The following ISM1 variants were observed in gnomAD, a reference collection of about 807,000 sequenced individuals.
The protein encoded by ISM1 is isthmin 1.
In ISM1, 25 loss-of-function variants were observed where a neutral mutation model predicts 46.3. That is an observed-to-expected ratio of 0.54 (90% CI 0.39 to 0.75). The LOEUF is 0.75. Among genes scored for constraint, ISM1 ranks in the 30% least tolerant of loss-of-function variants. ISM1 has a pLI of 0.00. For synonymous variants in ISM1, 255 were observed against 256.7 expected (o/e 0.99, Z 0.06); for missense variants, 536 against 625.4 (o/e 0.86, Z 1.52).
chr20:13,315,403 G>C, the ISM1 span, among the ~76,000 whole-genome samples: 1 of 151,996 alleles, frequency 6.6e-6, no homozygotes, highest in African/African-American at 2.4e-5. Context: ...CTCAAACAGA[G>C]TAGACTTAAG....
At chr20:13,281,201 T>C (rs2040235220) in intron 3 of ISM1, among the ~76,000 whole-genome samples, 1 of 152,348 alleles carries the variant, frequency 6.6e-6, no homozygotes, top group Non-Finnish European at 1.5e-5. Flanking sequence ...AGGCATAGTC[T>C]GTCCCCAGAA....
chr20:13,276,101 G>A (rs1217919353), intron 2 of ISM1, among the ~76,000 whole-genome samples: 1 of 152,214 alleles, frequency 6.6e-6, no homozygotes, highest in Non-Finnish European at 1.5e-5. Flanking sequence ...AGGAAGAAGG[G>A]GTAGAATAAT....
chr20:13,308,330 T>C, the ISM1 span, among the ~76,000 whole-genome samples: 1 of 152,198 alleles, frequency 6.6e-6, no homozygotes, highest in Non-Finnish European at 1.5e-5. Flanking sequence ...TGATTAATTA[T>C]GGCAGTAATA....
At chr20:13,221,950 CG>C in intron 1 of ISM1, 36 bp downstream of exon 1, 2 of 1,306,580 alleles carry the variant, frequency 1.5e-6, no homozygotes, top group Non-Finnish European at 9.7e-7. Flanking sequence ...TGCGCGGCTG[CG>C]GGGACGGTTT....
Position 13,292,253 on chromosome 20 carries a change from C to T in ISM1, c.788-121C>T, listed in dbSNP as rs951677588. The T allele has an allele frequency of 2.8e-5, 18 of 643,508 alleles. No homozygotes were observed. The Middle Eastern group carries it at 7.6e-4, about 27-fold the overall frequency. 39.9% of individuals were successfully genotyped at this position (643,508 alleles called of 1,614,324 possible). A position where few individuals can be genotyped will look rare whatever the true frequency, so the allele number is the denominator to read the frequency against. On this transcript the variant is annotated intron_variant, in intron 4 of 5. Coordinates refer to ENST00000262487, the MANE Select transcript of ISM1 (RefSeq NM_080826.2). ...TTTCCTCTGTTGGCAAGTTTCTGCC[C>T]GTGAGTAGTAATGAATACAAAAAAG...
chr20:13,298,661 C>G (rs2040429647), intron 5 of ISM1, among the ~76,000 whole-genome samples: 1 of 152,132 alleles, frequency 6.6e-6, no homozygotes, highest in South Asian at 2.1e-4. Context: ...TTCTGTGTGT[C>G]TGAAAATTTC....
chr20:13,305,336 G>A (rs990789056), downstream of ISM1, among the ~76,000 whole-genome samples: 4 of 151,828 alleles, frequency 2.6e-5, no homozygotes, highest in Admixed American at 6.6e-5. Context: ...CTACAGACCC[G>A]TACTACTCTG....
the ISM1 span, among the ~76,000 whole-genome samples, chr20:13,322,239 C>T: frequency 6.6e-6 from 1 of 152,182 alleles, no homozygotes; most frequent in Non-Finnish European, 1.5e-5. Context: ...GTGCTGTACT[C>T]CCAAGAGTGA....
At chr20:13,290,184 C>A (rs547551440) in intron 4 of ISM1, among the ~76,000 whole-genome samples, 1 of 152,132 alleles carries the variant, frequency 6.6e-6, no homozygotes, top group South Asian at 2.1e-4. Flanking sequence ...CTTTCCCATG[C>A]TCATTAGGAT....
intron 1 of ISM1, among the ~76,000 whole-genome samples, chr20:13,241,867 A>G (rs979285180): frequency 6.6e-6 from 1 of 152,258 alleles, no homozygotes; most frequent in Middle Eastern, 3.4e-3. Flanking sequence ...CAGAAGTTGG[A>G]TCACTGAGTT....
At chr20:13,227,958 C>T (rs1444982325) in intron 1 of ISM1, among the ~76,000 whole-genome samples, 4 of 138,436 alleles carry the variant, frequency 2.9e-5, no homozygotes, top group Admixed American at 2.8e-4. Flanking sequence ...GCTGCTGCTG[C>T]CTTTTTTTTT....
intron 1 of ISM1, among the ~76,000 whole-genome samples, chr20:13,231,262 G>A (rs2039584664): frequency 6.6e-6 from 1 of 152,222 alleles, no homozygotes; most frequent in Non-Finnish European, 1.5e-5. Flanking sequence ...CAGCGAGGAA[G>A]TCTGTTAGCC....
intron 1 of ISM1, among the ~76,000 whole-genome samples, chr20:13,268,137 T>TTCTCTTCTCC (rs1555812443): frequency 2.0e-5 from 3 of 150,654 alleles, no homozygotes; most frequent in Middle Eastern, 3.4e-3. Flanking sequence ...TTCTCTTCTC[T>TTCTCTTCTCC]TCTCTTCTCT....
chr20:13,249,094 A>G (rs905325116), intron 1 of ISM1, among the ~76,000 whole-genome samples: 3 of 152,126 alleles, frequency 2.0e-5, no homozygotes, highest in African/African-American at 4.8e-5. Flanking sequence ...TCCAAATATT[A>G]CTCATTGTTG....
the ISM1 span, among the ~76,000 whole-genome samples, chr20:13,326,008 T>A: frequency 6.6e-6 from 1 of 152,204 alleles, no homozygotes; most frequent in Non-Finnish European, 1.5e-5. Context: ...GGGTAACCAC[T>A]GATCTGTTTT....
chr20:13,301,890 T>C (rs1416429468), downstream of ISM1, among the ~76,000 whole-genome samples: 3 of 152,152 alleles, frequency 2.0e-5, no homozygotes, highest in Non-Finnish European at 4.4e-5. Flanking sequence ...CAAAGTACTA[T>C]GAAGAAATAG....
At chr20:13,279,013 C>A (rs549798226) in intron 2 of ISM1, among the ~76,000 whole-genome samples, 89 of 152,288 alleles carry the variant, frequency 5.8e-4, no homozygotes, top group Non-Finnish European at 1.0e-3. Flanking sequence ...CCACTCCTAC[C>A]CATTCTGCTG....
chr20:13,269,268 C>A (rs1447121677), intron 1 of ISM1, among the ~76,000 whole-genome samples: 1 of 152,166 alleles, frequency 6.6e-6, no homozygotes, highest in Non-Finnish European at 1.5e-5. Context: ...TGGAGTAAAT[C>A]TTCTGTGAGA....
At chr20:13,261,375 G>A (rs2039987433) in intron 1 of ISM1, among the ~76,000 whole-genome samples, 1 of 151,252 alleles carries the variant, frequency 6.6e-6, no homozygotes, top group Admixed American at 6.6e-5. Context: ...CCGAGATCGC[G>A]CCATTGCCCT....
Sources: gnomAD v4.1 joint callset for allele counts (sites outside exome capture counted in the v4.1 genomes callset) on GRCh38, gnomAD v4.1.1 for gene constraint, MANE v1.5 for transcripts, NCBI Gene and HGNC (gene_info 2026-07-23, HGNC 2026-07-21) for gene names.